SLCO1A2: variants seen among roughly 807,000 people sequenced by gnomAD.
SLCO1A2 encodes OATP-1.
A neutral mutation model predicts 69.0 loss-of-function variants in SLCO1A2; 67 were observed. That is an observed-to-expected ratio of 0.97 (90% CI 0.80 to 1.19). SLCO1A2 has a LOEUF of 1.19. Among genes scored for constraint, SLCO1A2 ranks in the 50% most tolerant of loss-of-function variants. The pLI is 0.00. For synonymous variants in SLCO1A2, 260 were observed against 265.9 expected (o/e 0.98, Z 0.22); for missense variants, 787 against 793.7 (o/e 0.99, Z 0.10).
intron 2 of SLCO1A2, among the ~76,000 whole-genome samples, chr12:21,357,286 G>A (rs1230819380): frequency 2.0e-5 from 3 of 152,132 alleles, no homozygotes; most frequent in African/African-American, 2.4e-5. Context: ...GGGAAGTTTG[G>A]TCACAGAGAC....
At chr12:21,301,638 C>T (rs11045952) in intron 6 of SLCO1A2, among the ~76,000 whole-genome samples, 13,819 of 152,176 alleles carry the variant, frequency 0.091, 875 homozygotes, top group Non-Finnish European at 0.13. Context: ...AATTCTAAAG[C>T]AATACCATCT....
At chr12:21,318,287 T>G (rs1951142553) in intron 3 of SLCO1A2, among the ~76,000 whole-genome samples, 1 of 151,892 alleles carries the variant, frequency 6.6e-6, no homozygotes, top group South Asian at 2.1e-4. Context: ...CCCGGCCAAT[T>G]TGTTTGTATT....
At chr12:21,384,761 T>G (rs2137134084) in intron 1 of SLCO1A2, among the ~76,000 whole-genome samples, 1 of 148,648 alleles carries the variant, frequency 6.7e-6, no homozygotes, top group South Asian at 2.2e-4. Context: ...TCCACTTAGT[T>G]TTTTTTTCTT....
At chr12:21,360,471 G>T (rs1938751386) in intron 2 of SLCO1A2, among the ~76,000 whole-genome samples, 1 of 152,216 alleles carries the variant, frequency 6.6e-6, no homozygotes, top group African/African-American at 2.4e-5. Context: ...CCAGTCTGCA[G>T]CTCCCAGTGT....
intron 1 of SLCO1A2, among the ~76,000 whole-genome samples, chr12:21,394,493 G>GA (rs1237862239): frequency 2.0e-5 from 3 of 150,106 alleles, no homozygotes; most frequent in Non-Finnish European, 4.4e-5. Flanking sequence ...AGTGAGCTGT[G>GA]ATCGTACCAC....
At position 21,411,841 on chromosome 12, in the gene SLCO1A2, G is replaced by A. The variant is rs531509235; in HGVS notation, c.-312+6041C>T. ...TGGGACTACAGGCACACTCCACCACGCCCAGCTAATTTTTTGCATTTTTTT... is the reference window on the plus strand; with the variant it reads ...TGGGACTACAGGCACACTCCACCACACCCAGCTAATTTTTTGCATTTTTTT... On this transcript the variant is annotated intron_variant, in intron 1 of 4. Transcript: ENST00000413682. Among the ~76,000 whole-genome samples the A allele has an allele frequency of 2.7e-4, 41 of 151,880 alleles. No homozygotes were observed. In the East Asian group the frequency reaches 4.7e-3, roughly 17 times the overall value.
intron 1 of SLCO1A2, chr12:21,378,283 C>A: frequency 6.2e-7 from 1 of 1,614,212 alleles, no homozygotes; most frequent in Non-Finnish European, 8.5e-7. Context: ...ATGTGCAACG[C>A]AGCGCCTGGC....
At chr12:21,390,992 A>G (rs1211020058) in intron 1 of SLCO1A2, among the ~76,000 whole-genome samples, 1 of 152,128 alleles carries the variant, frequency 6.6e-6, no homozygotes, top group African/African-American at 2.4e-5. Flanking sequence ...TTCTGTCCTC[A>G]TTTCAAAGGT....
At chr12:21,317,937 T>C (rs1054935483) in intron 3 of SLCO1A2, among the ~76,000 whole-genome samples, 2 of 152,126 alleles carry the variant, frequency 1.3e-5, no homozygotes, top group African/African-American at 4.8e-5. Flanking sequence ...AGACTTTATT[T>C]TTCTCTAGAG....
intron 2 of SLCO1A2, among the ~76,000 whole-genome samples, chr12:21,346,180 T>A (rs1323179567): frequency 1.3e-5 from 2 of 152,168 alleles, no homozygotes; most frequent in African/African-American, 4.8e-5. Context: ...TTTAATATAG[T>A]AAATAACGTA....
At chr12:21,290,979 G>A (rs947867576) in intron 12 of SLCO1A2, among the ~76,000 whole-genome samples, 1 of 152,106 alleles carries the variant, frequency 6.6e-6, no homozygotes, top group African/African-American at 2.4e-5. Context: ...ATAGGATGCA[G>A]GAAATATAAT....
Position 21,334,678 on chromosome 12 carries a change from T to C in SLCO1A2, c.-31A>G. On this transcript the variant is annotated 5_prime_UTR_variant, in exon 2 of 15. Transcript: ENST00000683939. ...TCTTCAGGGTGTTCCAAGCTATTTA[T>C]GTTTTAAATCTTGATATGTCTTACT... The C allele has an allele frequency of 1.3e-6, 2 of 1,587,236 alleles. No homozygotes were observed. Among genetic ancestry groups the C allele is most frequent in the Non-Finnish European group, 1.7e-6 (2 of 1,163,456 alleles).
At chr12:21,419,178 T>G (rs1034257861), upstream of SLCO1A2, 6 of 152,576 alleles carry the variant, frequency 3.9e-5, no homozygotes, top group African/African-American at 7.2e-5. Flanking sequence ...GCAGCTTACT[T>G]GGACAGGAAA....
At chr12:21,394,568 C>T (rs1941331901) in intron 1 of SLCO1A2, among the ~76,000 whole-genome samples, 1 of 151,242 alleles carries the variant, frequency 6.6e-6, no homozygotes, top group Admixed American at 6.6e-5. Flanking sequence ...CACACACACA[C>T]ACACACACAC....
intron 8 of SLCO1A2, among the ~76,000 whole-genome samples, chr12:21,299,765 C>T (rs12303296): frequency 0.27 from 36,478 of 133,222 alleles, 6,567 homozygotes; most frequent in African/African-American, 0.51. Flanking sequence ...CATATATATA[C>T]GTGTGTATAT....
At chr12:21,372,579 G>A (rs1373047051) in intron 2 of SLCO1A2, among the ~76,000 whole-genome samples, 1 of 152,078 alleles carries the variant, frequency 6.6e-6, no homozygotes, top group Non-Finnish European at 1.5e-5. Context: ...ATGCACATTT[G>A]TTGTTATCCT....
At chr12:21,349,412 C>T (rs530071698) in intron 2 of SLCO1A2, among the ~76,000 whole-genome samples, 87 of 152,230 alleles carry the variant, frequency 5.7e-4, no homozygotes, top group South Asian at 1.5e-3. Context: ...CTCAAGCTGG[C>T]TTGAGTTAAA....
chr12:21,304,392 C>A, intron 6 of SLCO1A2, 35 bp downstream of exon 6: 1 of 1,540,806 alleles, frequency 6.5e-7, no homozygotes, highest in South Asian at 1.1e-5. Flanking sequence ...AACATATTGC[C>A]CTGAAAAGAA....
chr12:21,368,578 T>C (rs1939560223), intron 2 of SLCO1A2, among the ~76,000 whole-genome samples: 1 of 152,168 alleles, frequency 6.6e-6, no homozygotes, highest in South Asian at 2.1e-4. Flanking sequence ...CAGAGCTATG[T>C]TCTATAAAAT....
Sources: gnomAD v4.1 joint callset for allele counts (sites outside exome capture counted in the v4.1 genomes callset) on GRCh38, gnomAD v4.1.1 for gene constraint, MANE v1.5 for transcripts, NCBI Gene and HGNC (gene_info 2026-07-23, HGNC 2026-07-21) for gene names.